Variants in CLCNKA observed in about 807,000 individuals in gnomAD.
CLCNKA encodes chloride channel protein ClC-Ka.
CLCNKA carries 66 observed loss-of-function variants against 83.3 expected under a neutral mutation model. That is an observed-to-expected ratio of 0.79 (90% CI 0.65 to 0.97). CLCNKA has a LOEUF of 0.97. Among genes scored for constraint, CLCNKA ranks in the 50% least tolerant of loss-of-function variants. CLCNKA has a pLI of 0.00. For synonymous variants in CLCNKA, 357 were observed against 370.4 expected (o/e 0.96, Z 0.42); for missense variants, 806 against 888.7 (o/e 0.91, Z 1.18).
intron 1 of CLCNKA, 36 bp from the exon 2 acceptor site, chr1:16,022,577 G>A (rs1429937671): frequency 1.3e-6 from 2 of 1,486,206 alleles, no homozygotes; most frequent in Admixed American, 2.1e-5. Flanking sequence ...ACGTGCAGCA[G>A]CTCACCCGGG....
intron 18 of CLCNKA, 55 bp downstream of exon 18, chr1:16,032,581 G>C: frequency 7.4e-7 from 1 of 1,347,152 alleles, no homozygotes. Flanking sequence ...GGCAAGAGCT[G>C]ATGAGGAGCT....
At chr1:16,030,798 G>T in intron 15 of CLCNKA, 124 bp downstream of exon 15, 2 of 1,332,376 alleles carry the variant, frequency 1.5e-6, no homozygotes, top group East Asian at 4.9e-5. Context: ...GCTGGGAGGG[G>T]CTGACACACA....
chr1:16,033,081 C>G (rs2022699271), intron 18 of CLCNKA, 89 bp from the exon 19 acceptor site: 1 of 1,381,212 alleles, frequency 7.2e-7, no homozygotes, highest in African/African-American at 1.4e-5. Flanking sequence ...CCCCGCCCCT[C>G]TTCCTGGCTC....
chr1:16,030,314 C>T, intron 14 of CLCNKA, 147 bp from the exon 15 acceptor site: 1 of 1,051,202 alleles, frequency 9.5e-7, no homozygotes, highest in Non-Finnish European at 1.4e-6. Context: ...CAAGCCCAGG[C>T]CTTGGGGCAC....
chr1:16,030,707 G>C (rs1212004484), intron 15 of CLCNKA, 33 bp downstream of exon 15: 1 of 1,612,776 alleles, frequency 6.2e-7, no homozygotes, highest in Non-Finnish European at 8.5e-7. Flanking sequence ...TGACTGAAGG[G>C]GGTCACAGTG....
intron 14 of CLCNKA, 68 bp downstream of exon 14, chr1:16,030,143 G>C: frequency 8.1e-7 from 1 of 1,228,734 alleles, no homozygotes; most frequent in Non-Finnish European, 1.2e-6. Context: ...AGAATTGGCT[G>C]GTGGTTCCCC....
In CLCNKA at chr1:16,026,476, GCTGCCTCGGGGTGAGA is replaced by G. The variant is rs146015976; in HGVS notation, c.499-56_499-41del. ...GGAGGGGGTGTGGTGGGGAAGCCGT[GCTGCCTCGGGGTGAGA>G]CTGTCTCTGCTGCCCTCACCTGGGC... On this transcript the variant is annotated intron_variant, in intron 5 of 19. Transcript: ENST00000331433. 7.5e-3 allele frequency: 12,114 copies of G among 1,607,014 alleles called. 795 individuals are homozygous for G. The African/African-American group carries it at 0.14, about 19-fold the overall frequency.
At chr1:16,027,465 C>G in intron 8 of CLCNKA, 30 bp downstream of exon 8, 1 of 1,612,278 alleles carries the variant, frequency 6.2e-7, no homozygotes. Context: ...TGACCCTGGC[C>G]CTGCCTGGGG....
rs1473302497 is a variant in CLCNKA, at chr1:16,026,722, T to C, written c.602T>C (p.Leu201Pro). The C allele has an allele frequency of 2.5e-6, 4 of 1,613,768 alleles. No individual in the cohort carries two copies. The highest frequency in any genetic ancestry group is 3.4e-6 in the Non-Finnish European group (4 of 1,179,852). Residue 201 changes from leucine to proline, a missense_variant, in exon 7 of 20, where the codon CTG (leucine) becomes CCG (proline). Physicochemically the swap from Leu to Pro is moderately conservative, Grantham distance 98 (BLOSUM62 -3). Coordinates refer to ENST00000331433, the MANE Select transcript of CLCNKA (RefSeq NM_004070.4). ...AACAAGAGCAAGCAAAACGAAATGC[T>C]GGTGGCAGCGGCGGCAGTGGGCGTG... The part of the protein sequence containing the change: ...PENKSKQNEM[L>P]VAAAAVGVAT...
In CLCNKA at chr1:16,027,859, G is replaced by T. The variant is rs368824021; in HGVS notation, c.820G>T (p.Asp274Tyr). The T allele has an allele frequency of 2.2e-5, 35 of 1,613,010 alleles. No individual in the cohort carries two copies. Among genetic ancestry groups the T allele is most frequent in the Non-Finnish European group, 2.9e-5 (34 of 1,179,722 alleles). ...CCTCTACAAGACCAGTTTCCGGGTGGACGTTCCCTTCGACCTGCCTGAGAT... is the reference window on the plus strand; with the variant it reads ...CCTCTACAAGACCAGTTTCCGGGTGTACGTTCCCTTCGACCTGCCTGAGAT... The part of the protein sequence containing the change: ...TSLYKTSFRV[D>Y]VPFDLPEIFF... The change falls in exon 9 of 20, where the codon GAC becomes TAC. Residue 274 changes from aspartate to tyrosine, a missense_variant. Asp to Tyr is a radical substitution (Grantham distance 160). Coordinates refer to ENST00000331433, the MANE Select transcript of CLCNKA (RefSeq NM_004070.4).
Position 16,028,136 on chromosome 1 carries a change from G to T in CLCNKA, c.968+17G>T. The T allele has an allele frequency of 6.2e-7, 1 of 1,610,460 alleles. No individual in the cohort carries two copies. Reference sequence around the variant, plus strand: ...GGCTACTAGGTAGGCTCTGGGCTAGGGGCTGGGGACATCTCAGTGAGTCCC... The same window carrying T: ...GGCTACTAGGTAGGCTCTGGGCTAGTGGCTGGGGACATCTCAGTGAGTCCC... On this transcript the variant is annotated intron_variant, in intron 10 of 19. Coordinates refer to ENST00000331433, the MANE Select transcript of CLCNKA (RefSeq NM_004070.4).
chr1:16,032,332 G>T, intron 17 of CLCNKA, 41 bp downstream of exon 17: 1 of 1,385,086 alleles, frequency 7.2e-7, no homozygotes, highest in Non-Finnish European at 1.0e-6. Flanking sequence ...GCGGGGGTGG[G>T]TCAGCAGGGA....
intron 7 of CLCNKA, chr1:16,027,049 C>T: frequency 1.5e-6 from 1 of 652,544 alleles, no homozygotes; most frequent in Non-Finnish European, 2.6e-6. Flanking sequence ...AGCGCAGCTT[C>T]CTCCTCTGTA....
intron 18 of CLCNKA, 33 bp downstream of exon 18, chr1:16,032,559 C>T (rs781007085): frequency 1.8e-5 from 27 of 1,503,960 alleles, no homozygotes; most frequent in East Asian, 1.1e-4. Context: ...ACACACGCAG[C>T]CCCCGGGGCA....
At chr1:16,026,959 T>A (rs2124034008) in intron 7 of CLCNKA, 184 bp downstream of exon 7, 1 of 772,302 alleles carries the variant, frequency 1.3e-6, no homozygotes, top group East Asian at 2.7e-5. Flanking sequence ...GTTGGGGGCG[T>A]GGTTGGGCGG....
intron 2 of CLCNKA, 25 bp downstream of exon 2, chr1:16,022,744 C>T (rs1247252062): frequency 1.4e-6 from 2 of 1,465,126 alleles, no homozygotes; most frequent in Non-Finnish European, 1.8e-6. Flanking sequence ...CTCTTCCCTA[C>T]CCGCGGGGGA....
Position 16,022,691 on chromosome 1 carries a change from C to A in CLCNKA, c.72C>A (p.Pro24=), listed in dbSNP as rs1265115595. 1 of 1,552,974 alleles carries A rather than the reference C, an allele frequency of 6.4e-7. No individual in the cohort carries two copies. Among genetic ancestry groups the A allele is most frequent in the Non-Finnish European group, 8.7e-7 (1 of 1,148,656 alleles). The change falls in exon 2 of 20, where the codon CCC becomes CCA. Residue 24 remains proline, a synonymous_variant. Transcript: ENST00000331433. ...TGACTCTGCAGGAGCTGTGGGGCCC[C>A]TGTCCCCACATCCGCCGAGCCATCC... is the stretch of plus-strand genomic sequence containing the variant. ...DPVTLQELWG[P]CPHIRRAIQG... is the part of the protein sequence containing the mutation.
In CLCNKA at chr1:16,030,609, C is replaced by A; in HGVS notation, c.1557C>A (p.Phe519Leu). 6.2e-7 allele frequency: 1 copy of A among 1,613,110 alleles called. No individual in the cohort carries two copies. The highest frequency in any genetic ancestry group is 8.5e-7 in the Non-Finnish European group (1 of 1,180,042). ...NAIAQSCQPS[F>L]YDGTIIVKKL... ...TTGCACAGAGCTGCCAGCCCTCCTT[C>A]TATGATGGCACCATCATTGTCAAGA... The change falls in exon 15 of 20, where the codon TTC becomes TTA. Residue 519 changes from phenylalanine (F) to leucine (L), a missense_variant. Coordinates refer to ENST00000331433, the MANE Select transcript of CLCNKA (RefSeq NM_004070.4).
At position 16,031,328 on chromosome 1, in the gene CLCNKA, T is replaced by C. The variant is rs149657409; in HGVS notation, c.1623-382T>C. 1.5e-4 allele frequency among the ~76,000 whole-genome samples: 23 copies of C among 152,326 alleles called. No individual in the cohort carries two copies. In the East Asian group the frequency reaches 3.5e-3, roughly 23 times the overall value. ...ACACTTTTATAATCAAATGGAATTA[T>C]CCAGGGAAGGCTGCTGGGTCTGTAC... On this transcript the variant is annotated intron_variant, in intron 15 of 19. Transcript: ENST00000331433.
Sources: gnomAD v4.1 joint callset for allele counts (sites outside exome capture counted in the v4.1 genomes callset) on GRCh38, gnomAD v4.1.1 for gene constraint, MANE v1.5 for transcripts, NCBI Gene and HGNC (gene_info 2026-07-23, HGNC 2026-07-21) for gene names.